GAB4: variants seen among roughly 807,000 people sequenced by gnomAD.
GAB4 encodes GRB2-associated-binding protein 4.
GAB4 carries 26 observed loss-of-function variants against 51.3 expected under a neutral mutation model. That is an observed-to-expected ratio of 0.51 (90% CI 0.37 to 0.70). GAB4 has a LOEUF of 0.70. Ranked by LOEUF, GAB4 falls within the 30% of genes least tolerant of loss-of-function variation. The pLI is 0.00. For synonymous variants in GAB4, 329 were observed against 291.2 expected (o/e 1.13, Z -1.32); for missense variants, 759 against 734.6 (o/e 1.03, Z -0.38).
At chr22:16,997,049 T>G (rs185400492) in intron 1 of GAB4, among the ~76,000 whole-genome samples, 135 of 150,016 alleles carry the variant, frequency 9.0e-4, no homozygotes, top group African/African-American at 3.1e-3. Flanking sequence ...ATTTTCTTCA[T>G]CCAGTCTGGT....
rs535642636 is a variant in GAB4 at position 16,970,510 on chromosome 22, T to C, written c.687-317A>G. The stretch of plus-strand genomic sequence containing the variant: ...GCAAGACCTTATTCCTCTCCCCCAA[T>C]GGCTGTGATTAGCAGGGTGGTCAGT... On this transcript the variant is annotated intron_variant, in intron 3 of 9. Coordinates refer to ENST00000400588, the MANE Select transcript of GAB4 (RefSeq NM_001037814.1). 1.2e-4 allele frequency among the ~76,000 whole-genome samples: 18 copies of C among 152,282 alleles called. No homozygotes were observed. The South Asian group carries it at 3.5e-3, about 30-fold the overall frequency.
In GAB4 at chr22:16,969,924, GC is replaced by G; in HGVS notation, c.937+18del. 6.2e-7 allele frequency: 1 copy of G among 1,613,876 alleles called. No individual in the cohort carries two copies. The highest frequency in any genetic ancestry group is 8.5e-7 in the Non-Finnish European group (1 of 1,179,980). On this transcript the variant is annotated intron_variant, in intron 4 of 9. Coordinates refer to ENST00000400588, the MANE Select transcript of GAB4 (RefSeq NM_001037814.1). The stretch of plus-strand genomic sequence containing the variant: ...CTCCTGGAACAGGGTGCTTCTGGGT[GC>G]CTTGAAGGGGTACACACCCTCATTA...
intron 3 of GAB4, among the ~76,000 whole-genome samples, chr22:16,970,679 G>A (rs935917324): frequency 1.3e-5 from 2 of 152,134 alleles, no homozygotes; most frequent in Admixed American, 6.5e-5. Context: ...AGCAGCAAGC[G>A]AGTCATCTCA....
Position 16,962,672 on chromosome 22 carries a change from G to C in GAB4, c.*61C>G, listed in dbSNP as rs2123629957. 1.3e-6 allele frequency: 2 copies of C among 1,486,322 alleles called. No homozygotes were observed. The highest frequency in any genetic ancestry group is 1.4e-5 in the African/African-American group (1 of 72,544). 92.1% of individuals were successfully genotyped at this position (1,486,322 alleles called of 1,614,324 possible). A position where few individuals can be genotyped will look rare whatever the true frequency, so the allele number is the denominator to read the frequency against. On this transcript the variant is annotated 3_prime_UTR_variant, in exon 10 of 10. Coordinates refer to ENST00000400588, the MANE Select transcript of GAB4 (RefSeq NM_001037814.1). Reference sequence around the variant, plus strand: ...CGGTCCCTGATATTACAGAGCTTTAGAGTGTGGCGGAGCAGCTCTGAGGCA... The same window carrying C: ...CGGTCCCTGATATTACAGAGCTTTACAGTGTGGCGGAGCAGCTCTGAGGCA...
intron 8 of GAB4, 39 bp from the exon 9 acceptor site, chr22:16,963,868 G>A (rs1179971868): frequency 1.3e-6 from 2 of 1,520,242 alleles, no homozygotes; most frequent in Middle Eastern, 1.8e-4. Context: ...AATGAGTTCA[G>A]GACACAGACC....
chr22:17,005,462 A>G (rs111350739), intron 1 of GAB4, among the ~76,000 whole-genome samples: 3,371 of 152,346 alleles, frequency 0.022, 59 homozygotes, highest in Middle Eastern at 0.068. Context: ...ATTCCAATCA[A>G]GCTACCATTG....
rs11703655 is a variant in GAB4, at chr22:16,970,062, A to G, written c.818T>C (p.Leu273Pro). 0.029 allele frequency: 46,871 copies of G among 1,614,138 alleles called. 852 individuals are homozygous for G. The highest frequency in any genetic ancestry group is 0.053 in the Middle Eastern group (320 of 6,062). Residue 273 changes from leucine to proline, a missense_variant, in exon 4 of 10, where the codon CTT becomes CCT. Physicochemically the swap from Leu to Pro is moderately conservative, Grantham distance 98 (BLOSUM62 -3). Transcript: ENST00000400588. ...TGCATTGTGCTGGCTGGGCTTGGAA[A>G]GGCTATGGAAGCCATGGATGTGACC... ...VSGHIHGFHS[L>P]SKPSQHNAEF...
rs775102283 is a variant in GAB4 at position 16,963,780 on chromosome 22, G to A, written c.1526C>T (p.Pro509Leu). 1.4e-5 allele frequency: 22 copies of A among 1,613,834 alleles called. No homozygotes were observed. Among genetic ancestry groups the A allele is most frequent in the Middle Eastern group, 3.3e-4 (2 of 6,024 alleles). Residue 509 changes from proline to leucine, a missense_variant, in exon 9 of 10, where the codon CCG becomes CTG. Transcript: ENST00000400588. ...GTGGATGTTACCAGTGCTCCTCGGC[G>A]GGGCTGAACTGCTGGTGCCACCGGA... is the stretch of plus-strand genomic sequence containing the variant. ...PVSGGTSSSAPPRSTGNIHYA... is the reference protein window; with the variant it reads ...PVSGGTSSSALPRSTGNIHYA...
chr22:16,965,149 AG>A (rs754680925), intron 7 of GAB4, 28 bp downstream of exon 7: 2 of 1,565,514 alleles, frequency 1.3e-6, no homozygotes, highest in Non-Finnish European at 1.8e-6. Flanking sequence ...CCCGGTCCCA[AG>A]CTCCTGTTTC....
intron 3 of GAB4, among the ~76,000 whole-genome samples, chr22:16,982,918 A>T (rs1248741789): frequency 6.6e-6 from 1 of 152,094 alleles, no homozygotes; most frequent in Non-Finnish European, 1.5e-5. Context: ...CCGCACCATA[A>T]TCTAAGCCCA....
chr22:16,985,242 C>T (rs983494978), intron 3 of GAB4, among the ~76,000 whole-genome samples: 1 of 152,202 alleles, frequency 6.6e-6, no homozygotes, highest in Non-Finnish European at 1.5e-5. Flanking sequence ...AAAAAGTTAA[C>T]ATACTTATTT....
intron 3 of GAB4, among the ~76,000 whole-genome samples, chr22:16,982,822 C>G (rs1270188045): frequency 6.6e-6 from 1 of 152,188 alleles, no homozygotes; most frequent in Non-Finnish European, 1.5e-5. Flanking sequence ...AAAAGAGTCT[C>G]GGAACATGTC....
Position 17,008,141 on chromosome 22 carries a change from G to A in GAB4, c.-27C>T. On this transcript the variant is annotated 5_prime_UTR_variant, in exon 1 of 10. Transcript: ENST00000400588. ...GGGGCTGCAGCTCACAGTGAAGGTG[G>A]GGGAGACAGGGCGAGAGGGCGTTGC... is the stretch of plus-strand genomic sequence containing the variant. The A allele has an allele frequency of 2.6e-6, 4 of 1,544,064 alleles. No homozygotes were observed. In the South Asian group the frequency reaches 3.4e-5, roughly 13 times the overall value.
At chr22:17,005,458 A>G (rs1027760696) in intron 1 of GAB4, among the ~76,000 whole-genome samples, 1 of 152,264 alleles carries the variant, frequency 6.6e-6, no homozygotes, top group African/African-American at 2.4e-5. Flanking sequence ...TGCTATTCCA[A>G]TCAAGCTACC....
intron 1 of GAB4, among the ~76,000 whole-genome samples, chr22:16,996,915 GGTTTT>G (rs1430357507): frequency 2.7e-5 from 4 of 150,256 alleles, no homozygotes; most frequent in African/African-American, 9.8e-5. Context: ...TGCGGTGTTT[GGTTTT>G]CTGTCCTTGC....
intron 3 of GAB4, among the ~76,000 whole-genome samples, chr22:16,972,348 G>T (rs1295387973): frequency 6.6e-6 from 1 of 152,220 alleles, no homozygotes; most frequent in Non-Finnish European, 1.5e-5. Context: ...AGCCCGGAAG[G>T]ATCTGCAGCA....
intron 8 of GAB4, among the ~76,000 whole-genome samples, chr22:16,964,527 C>T (rs753373159): frequency 1.3e-5 from 2 of 152,132 alleles, no homozygotes; most frequent in African/African-American, 2.4e-5. Flanking sequence ...GTCATGAGGG[C>T]GAGGTGGGCT....
At chr22:16,973,294 G>T (rs2060748772) in intron 3 of GAB4, among the ~76,000 whole-genome samples, 1 of 152,154 alleles carries the variant, frequency 6.6e-6, no homozygotes, top group Admixed American at 6.5e-5. Context: ...CAGCACCCAG[G>T]TTAGTGCTTG....
intron 4 of GAB4, 52 bp from the exon 5 acceptor site, chr22:16,968,435 T>C (rs746980629): frequency 1.7e-5 from 22 of 1,331,598 alleles, no homozygotes; most frequent in Non-Finnish European, 2.1e-5. Context: ...CATGTGTTGA[T>C]GCCTCCCACG....
Sources: allele counts gnomAD v4.1 joint callset (sites outside exome capture counted in the v4.1 genomes callset), GRCh38; gene constraint gnomAD v4.1.1; transcripts MANE v1.5; gene names NCBI Gene and HGNC (gene_info 2026-07-23, HGNC 2026-07-21).